The following ATP9B variants were observed in gnomAD, a reference collection of about 807,000 sequenced individuals.
ATP9B encodes the protein ATPase phospholipid transporting 9B, also known as probable phospholipid-transporting ATPase IIB.
In ATP9B, 110 loss-of-function variants were observed where a neutral mutation model predicts 146.1. The observed-to-expected ratio is 0.75, with a 90% CI of 0.65 to 0.88. The LOEUF is 0.88. Ranked by LOEUF, ATP9B falls within the 40% of genes least tolerant of loss-of-function variation. ATP9B has a pLI of 0.00. For synonymous variants in ATP9B, 604 were observed against 569.7 expected (o/e 1.06, Z -0.86); for missense variants, 1,499 against 1,496.4 (o/e 1.00, Z -0.03).
rs181450622 is a variant in ATP9B, at chr18:79,110,834, C to T, written c.444+329C>T. ...TAAAATTAACAGAAAACAAGTTATA[C>T]GTTTTGTTTGTCTGGGAACTAGTTT... On this transcript the variant is annotated intron_variant, in intron 3 of 29. Transcript: ENST00000426216. Among the ~76,000 whole-genome samples, 162 of 152,126 alleles carry T rather than the reference C, an allele frequency of 1.1e-3. 1 individual carries two copies. Among genetic ancestry groups the T allele is most frequent in the African/African-American group, 3.5e-3 (144 of 41,498 alleles).
At chr18:79,180,196 T>C (rs1335113640) in intron 8 of ATP9B, among the ~76,000 whole-genome samples, 1 of 152,268 alleles carries the variant, frequency 6.6e-6, no homozygotes, top group Non-Finnish European at 1.5e-5. Flanking sequence ...CTGCTTTTTT[T>C]ATTCTGAGAA....
intron 5 of ATP9B, among the ~76,000 whole-genome samples, chr18:79,133,543 T>A (rs935444302): frequency 6.7e-6 from 1 of 149,940 alleles, no homozygotes; most frequent in Non-Finnish European, 1.5e-5. Context: ...ACACTCACTC[T>A]CAAGTGGGTA....
intron 4 of ATP9B, chr18:79,115,518 C>T (rs1464952016): frequency 1.5e-5 from 2 of 134,214 alleles, no homozygotes; most frequent in Non-Finnish European, 3.1e-5. Context: ...TGACTTCAAA[C>T]TATACTACAA....
chr18:79,324,602 C>G (rs1169113498), intron 15 of ATP9B, among the ~76,000 whole-genome samples: 1 of 152,150 alleles, frequency 6.6e-6, no homozygotes, highest in Non-Finnish European at 1.5e-5. Flanking sequence ...GACCCTGCCC[C>G]ACATCCCACT....
chr18:79,082,013 G>T lies in ATP9B; in HGVS notation c.119+12484G>T, dbSNP rs542633498. 3.3e-5 allele frequency among the ~76,000 whole-genome samples: 5 copies of T among 152,246 alleles called. No homozygotes were observed. In the South Asian group the frequency reaches 1.0e-3, roughly 32 times the overall value. ...ATCCTGCAGAGTGTTTTCCAACTTGGTTCCATTCTCCCCGTCACATTCATT... is the reference window on the plus strand; with the variant it reads ...ATCCTGCAGAGTGTTTTCCAACTTGTTTCCATTCTCCCCGTCACATTCATT... On this transcript the variant is annotated intron_variant, in intron 1 of 29. Transcript: ENST00000426216.
rs138370424 is a variant in ATP9B, at chr18:79,347,362, T to A, written c.2683-408T>A. 2.4e-3 allele frequency among the ~76,000 whole-genome samples: 371 copies of A among 152,344 alleles called. 1 individual carries two copies. Among genetic ancestry groups the A allele is most frequent in the African/African-American group, 8.0e-3 (334 of 41,580 alleles). On this transcript the variant is annotated intron_variant, in intron 23 of 29. Coordinates refer to ENST00000426216, the MANE Select transcript of ATP9B (RefSeq NM_198531.5). ...TTCTTCAAATATGAAAAAACAGAAT[T>A]GTCTTGAAGCAGCCCAAGATTATAG...
At chr18:79,290,941 A>G (rs1271531570) in intron 13 of ATP9B, among the ~76,000 whole-genome samples, 2 of 152,200 alleles carry the variant, frequency 1.3e-5, no homozygotes, top group East Asian at 3.9e-4. Flanking sequence ...CTTTTGTATG[A>G]TGGTGTGGTA....
intron 5 of ATP9B, among the ~76,000 whole-genome samples, chr18:79,137,218 T>C (rs759179937): frequency 6.6e-6 from 1 of 152,230 alleles, no homozygotes; most frequent in Non-Finnish European, 1.5e-5. Flanking sequence ...ATAGCTGTTT[T>C]CATGTCCGTG....
At chr18:79,363,856 T>C (rs1164830986) in intron 26 of ATP9B, 1 of 152,260 alleles carries the variant, frequency 6.6e-6, no homozygotes, top group Non-Finnish European at 1.5e-5. Flanking sequence ...GTTCCTGGAT[T>C]GAGCCTCAAT....
intron 4 of ATP9B, among the ~76,000 whole-genome samples, chr18:79,121,319 G>A (rs2094185451): frequency 6.6e-6 from 1 of 152,214 alleles, no homozygotes; most frequent in Non-Finnish European, 1.5e-5. Context: ...ACACACTTGT[G>A]CCCAAATACT....
intron 7 of ATP9B, among the ~76,000 whole-genome samples, chr18:79,157,728 C>CAT (rs1347343935): frequency 6.6e-6 from 1 of 152,102 alleles, no homozygotes; most frequent in Non-Finnish European, 1.5e-5. Flanking sequence ...GTGTCTTTTT[C>CAT]ATAATTTGTC....
intron 1 of ATP9B, among the ~76,000 whole-genome samples, chr18:79,089,095 T>C (rs2074097014): frequency 6.6e-6 from 1 of 152,158 alleles, no homozygotes; most frequent in Admixed American, 6.5e-5. Flanking sequence ...CAGTGGACTT[T>C]GGCGATGCAG....
rs1257338165 is a variant in ATP9B at position 79,173,711 on chromosome 18, A to G, written c.779-3102A>G. The G allele has an allele frequency of 2.9e-5, 13 of 455,870 alleles. No individual in the cohort carries two copies. The East Asian group carries it at 4.2e-4, about 15-fold the overall frequency. The allele number at this position is 455,870 out of a possible 1,614,324, so 28.2% of individuals were successfully genotyped here. A position where few individuals can be genotyped will look rare whatever the true frequency, so the allele number is the denominator to read the frequency against. On this transcript the variant is annotated intron_variant, in intron 7 of 29. Transcript: ENST00000426216. The stretch of plus-strand genomic sequence containing the variant: ...TCTGTTCCTTCTTCAGTATCAAACA[A>G]TCTTGATTACTGCAGCCATCTGGTA...
At chr18:79,157,347 G>C (rs548392983) in intron 7 of ATP9B, among the ~76,000 whole-genome samples, 1 of 121,636 alleles carries the variant, frequency 8.2e-6, no homozygotes, top group East Asian at 2.8e-4. Context: ...AGTGAGCCGA[G>C]ATTGTGCTAA....
intron 2 of ATP9B, among the ~76,000 whole-genome samples, chr18:79,108,676 G>A (rs910100890): frequency 1.3e-5 from 2 of 152,212 alleles, no homozygotes; most frequent in Non-Finnish European, 2.9e-5. Context: ...TAAGGGAGCA[G>A]TGCTTGGCAG....
chr18:79,303,536 G>A, intron 13 of ATP9B, 68 bp from the exon 14 acceptor site: 2 of 1,282,404 alleles, frequency 1.6e-6, no homozygotes, highest in Non-Finnish European at 2.3e-6. Flanking sequence ...TGCCTGCATG[G>A]TAGGAAAGCT....
chr18:79,251,182 G>T (rs2096019174), intron 11 of ATP9B, among the ~76,000 whole-genome samples: 1 of 152,226 alleles, frequency 6.6e-6, no homozygotes, highest in African/African-American at 2.4e-5. Flanking sequence ...AGTGAGCCCT[G>T]TGGCAGTGTG....
chr18:79,235,260 C>A (rs989393535), intron 11 of ATP9B, among the ~76,000 whole-genome samples: 2 of 152,148 alleles, frequency 1.3e-5, no homozygotes, highest in Non-Finnish European at 2.9e-5. Context: ...ACATTAAGTC[C>A]AGTTTTACTC....
At chr18:79,161,584 C>T (rs975692503) in intron 7 of ATP9B, among the ~76,000 whole-genome samples, 1 of 152,184 alleles carries the variant, frequency 6.6e-6, no homozygotes, top group Non-Finnish European at 1.5e-5. Context: ...CACGGTGGCT[C>T]ACGCTTGTAA....
Sources: allele counts gnomAD v4.1 joint callset (sites outside exome capture counted in the v4.1 genomes callset), GRCh38; gene constraint gnomAD v4.1.1; transcripts MANE v1.5; gene names NCBI Gene and HGNC (gene_info 2026-07-23, HGNC 2026-07-21).